ROBO2: variants seen among roughly 807,000 people sequenced by gnomAD.
ROBO2 encodes roundabout homolog 2.
Under a neutral mutation model 160.8 loss-of-function variants are expected in ROBO2, and 53 were observed. That is an observed-to-expected ratio of 0.33 (90% CI 0.26 to 0.41). The LOEUF (loss-of-function observed/expected upper bound fraction) is 0.41, where lower values mean the gene tolerates loss of function less well. Ranked by LOEUF, ROBO2 falls within the 10% of genes least tolerant of loss-of-function variation. The pLI is 1.00. For synonymous variants in ROBO2, 664 were observed against 611.7 expected (o/e 1.09, Z -1.26); for missense variants, 1,577 against 1,722.4 (o/e 0.92, Z 1.49).
At chr3:77,133,589 A>G (rs1448814988) in intron 2 of ROBO2, among the ~76,000 whole-genome samples, 1 of 150,188 alleles carries the variant, frequency 6.7e-6, no homozygotes, top group Non-Finnish European at 1.5e-5. Context: ...ACAGCAATTT[A>G]GTACTCTGCT....
chr3:77,007,227 A>C (rs1349580613), intron 2 of ROBO2, among the ~76,000 whole-genome samples: 1 of 152,190 alleles, frequency 6.6e-6, no homozygotes, highest in Non-Finnish European at 1.5e-5. Context: ...ATAACTGTTC[A>C]TATTTTATGT....
At chr3:77,016,840 A>G (rs2062296954) in intron 2 of ROBO2, among the ~76,000 whole-genome samples, 1 of 152,212 alleles carries the variant, frequency 6.6e-6, no homozygotes, top group Non-Finnish European at 1.5e-5. Context: ...ATATACAATA[A>G]GAGCAATTTT....
At chr3:76,610,883 G>A (rs1331902319) in intron 2 of ROBO2, among the ~76,000 whole-genome samples, 1 of 152,206 alleles carries the variant, frequency 6.6e-6, no homozygotes, top group Non-Finnish European at 1.5e-5. Context: ...CCAAATTCAT[G>A]TCCTGAGACC....
intron 1 of ROBO2, among the ~76,000 whole-genome samples, chr3:75,933,088 G>A (rs1378545361): frequency 1.3e-5 from 2 of 152,110 alleles, no homozygotes; most frequent in East Asian, 1.9e-4. Context: ...TTTTAATAGT[G>A]ACTCAGTGGC....
intron 2 of ROBO2, among the ~76,000 whole-genome samples, chr3:76,925,223 A>T (rs112620566): frequency 1.1e-5 from 1 of 89,328 alleles, no homozygotes; most frequent in African/African-American, 4.0e-5. Context: ...AAAAAAAAAA[A>T]AAAAAAAATC....
intron 2 of ROBO2, among the ~76,000 whole-genome samples, chr3:75,946,531 A>C (rs1948299705): frequency 1.3e-5 from 2 of 152,086 alleles, no homozygotes; most frequent in African/African-American, 4.8e-5. Context: ...AACATGGTTG[A>C]GTAAAACTGG....
intron 2 of ROBO2, among the ~76,000 whole-genome samples, chr3:76,213,949 A>G (rs1703322981): frequency 6.6e-6 from 1 of 152,172 alleles, no homozygotes; most frequent in African/African-American, 2.4e-5. Flanking sequence ...ATATAGATAT[A>G]CATAAGAGGA....
chr3:76,709,761 G>T (rs1482894415), intron 2 of ROBO2, among the ~76,000 whole-genome samples: 1 of 152,126 alleles, frequency 6.6e-6, no homozygotes, highest in Non-Finnish European at 1.5e-5. Context: ...TTAGTTTTCA[G>T]ATTATTTCTT....
chr3:77,298,553 G>A (rs2062358712), intron 2 of ROBO2, among the ~76,000 whole-genome samples: 1 of 152,100 alleles, frequency 6.6e-6, no homozygotes, highest in African/African-American at 2.4e-5. Context: ...GAACTGAAGT[G>A]GGAGAAGGTT....
chr3:75,995,773 G>A (rs1340157724), intron 2 of ROBO2, among the ~76,000 whole-genome samples: 1 of 152,174 alleles, frequency 6.6e-6, no homozygotes, highest in Admixed American at 6.5e-5. Context: ...AAGCCTCATG[G>A]GCAGAGTTGC....
intron 2 of ROBO2, among the ~76,000 whole-genome samples, chr3:76,982,205 A>G (rs1578027620): frequency 6.6e-6 from 1 of 152,126 alleles, no homozygotes; most frequent in African/African-American, 2.4e-5. Flanking sequence ...TAAGAGTTTT[A>G]TATTCTTACA....
At chr3:76,888,181 A>G (rs569061335) in intron 2 of ROBO2, among the ~76,000 whole-genome samples, 1 of 152,216 alleles carries the variant, frequency 6.6e-6, no homozygotes, top group Non-Finnish European at 1.5e-5. Flanking sequence ...CAGCCTGGCT[A>G]ATGTGGTGAA....
intron 2 of ROBO2, among the ~76,000 whole-genome samples, chr3:76,818,702 G>A (rs560949744): frequency 6.6e-6 from 1 of 152,092 alleles, no homozygotes; most frequent in Non-Finnish European, 1.5e-5. Context: ...GGCACCATTT[G>A]TTGAATAGGG....
At chr3:76,322,666 C>T (rs1434296581) in intron 2 of ROBO2, among the ~76,000 whole-genome samples, 6 of 151,952 alleles carry the variant, frequency 3.9e-5, no homozygotes, top group African/African-American at 9.7e-5. Context: ...GCGAAGTTAC[C>T]GGAAGTCAGT....
intron 2 of ROBO2, among the ~76,000 whole-genome samples, chr3:76,045,928 G>GCTCCC (rs979518095): frequency 2.2e-4 from 34 of 151,574 alleles, no homozygotes; most frequent in African/African-American, 8.0e-4. Context: ...CTGCCAGTAT[G>GCTCCC]CTTTATGGAA....
chr3:76,726,789 A>G (rs2093559281), intron 2 of ROBO2, among the ~76,000 whole-genome samples: 1 of 152,232 alleles, frequency 6.6e-6, no homozygotes, highest in African/African-American at 2.4e-5. Context: ...TGACAAATAT[A>G]TAAAAGAGTG....
chr3:76,994,373 T>C (rs1287335827), intron 2 of ROBO2, among the ~76,000 whole-genome samples: 1 of 112,866 alleles, frequency 8.9e-6, no homozygotes, highest in African/African-American at 3.9e-5. Flanking sequence ...AGTCCTCACA[T>C]ACAAACTTTA....
chr3:76,528,071 A>G (rs2082039314), intron 2 of ROBO2, among the ~76,000 whole-genome samples: 1 of 152,164 alleles, frequency 6.6e-6, no homozygotes, highest in South Asian at 2.1e-4. Context: ...ACTTTGAATA[A>G]TAATATGAAA....
intron 2 of ROBO2, among the ~76,000 whole-genome samples, chr3:76,305,691 G>A (rs942916415): frequency 1.8e-4 from 27 of 151,566 alleles, no homozygotes; most frequent in Non-Finnish European, 3.1e-4. Flanking sequence ...CCCAGGAGGC[G>A]GAGGTTGCAA....
Sources: gnomAD v4.1 joint callset for allele counts (sites outside exome capture counted in the v4.1 genomes callset) on GRCh38, gnomAD v4.1.1 for gene constraint, MANE v1.5 for transcripts, NCBI Gene and HGNC (gene_info 2026-07-23, HGNC 2026-07-21) for gene names.